TRDN: variants seen among roughly 807,000 people sequenced by gnomAD.
The protein encoded by TRDN is triadin in skeletal muscle.
Under a neutral mutation model 149.7 loss-of-function variants are expected in TRDN, and 161 were observed. The ratio of observed to expected loss-of-function variants is 1.08; its 90% CI spans 0.95 to 1.23. The LOEUF is 1.23. Ranked by LOEUF, TRDN falls within the 50% of genes most tolerant of loss-of-function variation. The pLI is 0.00. For missense variants in TRDN, 896 were observed against 823.5 expected, an observed-to-expected ratio of 1.09 and a Z score of -1.08; for synonymous variants, 294 against 250.5, an observed-to-expected ratio of 1.17 and a Z score of -1.64.
rs1772600582 is a variant in TRDN, at chr6:123,393,665, GC to G, written c.1063del (p.Ala355LeufsTer9). 1.2e-6 allele frequency: 2 copies of G among 1,606,322 alleles called. No individual in the cohort carries two copies. Among genetic ancestry groups the G allele is most frequent in the Non-Finnish European group, 1.7e-6 (2 of 1,175,676 alleles). ...TACAGTCCCTTGTTTGGTTTCAGAA[GC>G]TTTTCCCGGCTCTTGGAATGAAAAA... ...IDVEKKEPGK[A>X]SETKQGTVKI... On this transcript the variant is annotated frameshift_variant, in exon 13 of 41. Transcript: ENST00000334268. LOFTEE classifies it high-confidence loss of function.
At chr6:123,485,927 G>A (rs1270060217) in intron 9 of TRDN, among the ~76,000 whole-genome samples, 1 of 151,568 alleles carries the variant, frequency 6.6e-6, no homozygotes, top group Admixed American at 6.6e-5. Context: ...TGAAATCCTT[G>A]TGCAGCTCAT....
intron 5 of TRDN, among the ~76,000 whole-genome samples, chr6:123,518,988 G>A (rs918230316): frequency 2.0e-5 from 3 of 152,114 alleles, no homozygotes; most frequent in East Asian, 1.9e-4. Flanking sequence ...AGCTGCATTC[G>A]CTTGAGCGTC....
At chr6:123,540,815 T>A (rs1055278521) in intron 4 of TRDN, among the ~76,000 whole-genome samples, 5 of 152,184 alleles carry the variant, frequency 3.3e-5, no homozygotes, top group Admixed American at 1.3e-4. Flanking sequence ...ACCGCCAATG[T>A]GAGTTGGATT....
intron 10 of TRDN, among the ~76,000 whole-genome samples, chr6:123,459,455 A>G (rs1583068706): frequency 6.6e-6 from 1 of 152,172 alleles, no homozygotes; most frequent in Non-Finnish European, 1.5e-5. Context: ...CATGACCTTC[A>G]GATGTTCTGA....
intron 8 of TRDN, chr6:123,503,220 A>G (rs1778773206): frequency 1.0e-6 from 1 of 984,248 alleles, no homozygotes; most frequent in African/African-American, 1.7e-5. Flanking sequence ...AATAAATTTA[A>G]TAATTGGATG....
At chr6:123,296,581 T>C (rs1014542069) in intron 24 of TRDN, among the ~76,000 whole-genome samples, 6 of 148,134 alleles carry the variant, frequency 4.1e-5, no homozygotes, top group Admixed American at 4.0e-4. Context: ...AAATATAATA[T>C]AAGACTCTAA....
chr6:123,411,020 T>G, intron 12 of TRDN, among the ~76,000 whole-genome samples: 1 of 147,822 alleles, frequency 6.8e-6, no homozygotes. Flanking sequence ...ATTCAATAAG[T>G]TTTGTTACAT....
chr6:123,311,807 G>A (rs1159025897), intron 24 of TRDN, among the ~76,000 whole-genome samples: 1 of 151,968 alleles, frequency 6.6e-6, no homozygotes, highest in African/African-American at 2.4e-5. Flanking sequence ...TGTTTCTGTT[G>A]GAGGAAACTG....
At chr6:123,300,157 C>T (rs779497942) in intron 24 of TRDN, among the ~76,000 whole-genome samples, 12 of 151,896 alleles carry the variant, frequency 7.9e-5, no homozygotes, top group Admixed American at 6.6e-5. Context: ...AATTTCATTA[C>T]TACCACCTTC....
At chr6:123,578,570 G>A (rs1285189592) in intron 1 of TRDN, among the ~76,000 whole-genome samples, 2 of 152,122 alleles carry the variant, frequency 1.3e-5, no homozygotes, top group African/African-American at 4.8e-5. Flanking sequence ...CTGTAGTATG[G>A]TTTGAAGTTG....
At chr6:123,300,350 T>C (rs890928655) in intron 24 of TRDN, among the ~76,000 whole-genome samples, 4 of 151,994 alleles carry the variant, frequency 2.6e-5, no homozygotes, top group East Asian at 1.9e-4. Context: ...ATACAGCCAA[T>C]TGAAGATTAA....
intron 1 of TRDN, among the ~76,000 whole-genome samples, chr6:123,627,647 A>G (rs928144016): frequency 1.3e-5 from 2 of 152,212 alleles, no homozygotes; most frequent in African/African-American, 4.8e-5. Flanking sequence ...CTTTGGAGCC[A>G]GGCATTGACT....
intron 20 of TRDN, among the ~76,000 whole-genome samples, chr6:123,363,160 A>T (rs531531231): frequency 6.6e-6 from 1 of 152,278 alleles, no homozygotes; most frequent in South Asian, 2.1e-4. Flanking sequence ...TTAAGCCTCA[A>T]TTTAGAACAA....
intron 32 of TRDN, among the ~76,000 whole-genome samples, chr6:123,267,164 A>G (rs1027340046): frequency 1.6e-4 from 24 of 150,922 alleles, no homozygotes; most frequent in African/African-American, 5.9e-4. Flanking sequence ...TTGAAATGAG[A>G]ACTGGTAGAA....
At chr6:123,437,441 C>T (rs10223585) in intron 12 of TRDN, 24,865 of 272,274 alleles carry the variant, frequency 0.091, 2,099 homozygotes, top group African/African-American at 0.3. Flanking sequence ...TCTTCCTCTG[C>T]TACCCAGGCT....
chr6:123,222,608 C>A (rs1412289373), intron 39 of TRDN, among the ~76,000 whole-genome samples: 1 of 151,748 alleles, frequency 6.6e-6, no homozygotes, highest in Non-Finnish European at 1.5e-5. Flanking sequence ...CTATTTTCCA[C>A]ATTGTTGGTT....
At chr6:123,433,162 A>ATATATATATAT (rs796874348) in intron 12 of TRDN, among the ~76,000 whole-genome samples, 1,300 of 79,738 alleles carry the variant, frequency 0.016, 99 homozygotes, top group East Asian at 0.044. Context: ...ATATATATAT[A>ATATATATATAT]ATATATATAT....
chr6:123,352,740 A>G (rs183885338), intron 20 of TRDN, among the ~76,000 whole-genome samples, 154 bp from the exon 21 acceptor site: 75 of 152,078 alleles, frequency 4.9e-4, no homozygotes, highest in Admixed American at 2.8e-3. Flanking sequence ...CTATAACGCA[A>G]TTGAAACCAG....
At position 123,269,163 on chromosome 6, in the gene TRDN, CAG is replaced by C. The variant is rs1777119292; in HGVS notation, c.1738+684_1738+685del. Among the ~76,000 whole-genome samples the C allele has an allele frequency of 3.3e-5, 5 of 152,086 alleles. No individual in the cohort carries two copies. In the South Asian group the frequency reaches 1.0e-3, roughly 32 times the overall value. ...ACAATATTGAATATATTTGCTACCA[CAG>C]TGGGTAAATATTTATGCCTTCCTGA... On this transcript the variant is annotated intron_variant, in intron 31 of 40. Coordinates refer to ENST00000334268, the MANE Select transcript of TRDN (RefSeq NM_006073.4).
Sources: gnomAD v4.1 joint callset for allele counts (sites outside exome capture counted in the v4.1 genomes callset) on GRCh38, gnomAD v4.1.1 for gene constraint, MANE v1.5 for transcripts, NCBI Gene and HGNC (gene_info 2026-07-23, HGNC 2026-07-21) for gene names.